Variants in NPR3 observed in about 807,000 individuals in gnomAD.
The protein encoded by NPR3 is atrial natriuretic peptide receptor 3.
Under a neutral mutation model 54.5 loss-of-function variants are expected in NPR3, and 34 were observed. The ratio of observed to expected loss-of-function variants is 0.62; its 90% CI spans 0.47 to 0.83. The LOEUF (loss-of-function observed/expected upper bound fraction) is 0.83. Among genes scored for constraint, NPR3 ranks in the 40% least tolerant of loss-of-function variants. The probability of loss-of-function intolerance (pLI) is 0.00; values close to 1 mark genes in which losing one functional copy is unlikely to be tolerated. For missense variants in NPR3, 674 were observed against 720.8 expected (o/e 0.94, Z 0.74); for synonymous variants, 289 against 297.1 (o/e 0.97, Z 0.28).
At chr5:32,728,871 A>ATG (rs1302370889) in intron 2 of NPR3, among the ~76,000 whole-genome samples, 1 of 140,262 alleles carries the variant, frequency 7.1e-6, no homozygotes, top group Non-Finnish European at 1.6e-5. Flanking sequence ...ATATATATAT[A>ATG]TATATGTAAA....
Position 32,789,548 on chromosome 5 carries a change from G to C in NPR3, c.*3203G>C. On this transcript the variant is annotated 3_prime_UTR_variant, in exon 8 of 8. Transcript: ENST00000265074. Reference sequence around the variant, plus strand: ...ATGGAGGGAAGAGAGAAATGCATGGGAAAAGAACACCTCCTTTTCTCCTTT... The same window carrying C: ...ATGGAGGGAAGAGAGAAATGCATGGCAAAAGAACACCTCCTTTTCTCCTTT... 1.9e-6 allele frequency: 1 copy of C among 534,670 alleles called. No individual in the cohort carries two copies. 33.1% of individuals were successfully genotyped at this position (534,670 alleles called of 1,614,324 possible). A position where few individuals can be genotyped will look rare whatever the true frequency, so the allele number is the denominator to read the frequency against.
intron 3 of NPR3, among the ~76,000 whole-genome samples, chr5:32,750,884 G>A (rs1216272878): frequency 1.3e-5 from 2 of 152,146 alleles, no homozygotes; most frequent in African/African-American, 4.8e-5. Context: ...GAATAATAAT[G>A]CATACCAATT....
At chr5:32,692,357 C>T (rs910895083) in intron 1 of NPR3, among the ~76,000 whole-genome samples, 2 of 152,142 alleles carry the variant, frequency 1.3e-5, no homozygotes, top group African/African-American at 4.8e-5. Flanking sequence ...TACTATTTCT[C>T]CCAGGAAGTT....
intron 1 of NPR3, among the ~76,000 whole-genome samples, chr5:32,696,442 G>GT (rs763882946): frequency 0.013 from 1,873 of 148,686 alleles, 49 homozygotes; most frequent in African/African-American, 0.041. Flanking sequence ...GATTCTTCCA[G>GT]CTTTTTTTTT....
At chr5:32,738,294 C>T (rs955005513) in intron 2 of NPR3, among the ~76,000 whole-genome samples, 1 of 152,018 alleles carries the variant, frequency 6.6e-6, no homozygotes, top group African/African-American at 2.4e-5. Context: ...CCCTGCCCCC[C>T]ACCCCCTGAT....
At chr5:32,726,437 C>T (rs1352101622) in intron 2 of NPR3, among the ~76,000 whole-genome samples, 1 of 152,148 alleles carries the variant, frequency 6.6e-6, no homozygotes, top group East Asian at 1.9e-4. Context: ...GTCTTTTCCC[C>T]TCTGTTTTAC....
chr5:32,733,990 A>G (rs1352859984), intron 2 of NPR3, among the ~76,000 whole-genome samples: 2 of 152,198 alleles, frequency 1.3e-5, no homozygotes, highest in African/African-American at 4.8e-5. Flanking sequence ...CTTGAGCCTC[A>G]ATTTCCTCAT....
upstream of NPR3, among the ~76,000 whole-genome samples, chr5:32,710,934 G>A (rs1318440301): frequency 1.4e-5 from 2 of 147,822 alleles, no homozygotes; most frequent in African/African-American, 5.1e-5. Flanking sequence ...GCGTGCGCGC[G>A]CGCATTTCTC....
chr5:32,777,755 G>A (rs937430128), intron 4 of NPR3, among the ~76,000 whole-genome samples: 5 of 152,146 alleles, frequency 3.3e-5, no homozygotes, highest in African/African-American at 1.2e-4. Flanking sequence ...ATCTCCCTTA[G>A]CATTAGACAG....
At chr5:32,783,258 C>T (rs1253786352) in intron 6 of NPR3, 4 of 426,700 alleles carry the variant, frequency 9.4e-6, no homozygotes, top group Non-Finnish European at 1.6e-5. Flanking sequence ...TTTTACATCT[C>T]TTACTATAAT....
Position 32,787,814 on chromosome 5 carries a change from G to A in NPR3, c.*1469G>A, listed in dbSNP as rs1273621130. The A allele has an allele frequency of 6.6e-6, 1 of 152,184 alleles. No homozygotes were observed. The highest frequency in any genetic ancestry group is 1.5e-5 in the Non-Finnish European group (1 of 68,032). The allele number at this position is 152,184 out of a possible 1,614,324, so 9.4% of individuals were successfully genotyped here. ...AGAAGATAGACAGTGAGGGAGGAAT[G>A]GGAAGCTGTCATGAGAGTGCACCGT... On this transcript the variant is annotated 3_prime_UTR_variant, in exon 8 of 8. Transcript: ENST00000265074.
intron 3 of NPR3, among the ~76,000 whole-genome samples, chr5:32,761,752 T>A (rs1353126424): frequency 1.4e-5 from 2 of 141,028 alleles, no homozygotes; most frequent in African/African-American, 2.6e-5. Flanking sequence ...ATTTTATTTT[T>A]AAATTTAGTT....
At chr5:32,741,506 TA>T (rs1040290958) in intron 3 of NPR3, among the ~76,000 whole-genome samples, 1 of 152,196 alleles carries the variant, frequency 6.6e-6, no homozygotes, top group Non-Finnish European at 1.5e-5. Context: ...ATTTTAATGG[TA>T]GTCTAAGCAA....
At chr5:32,776,867 G>A (rs1742077114) in intron 4 of NPR3, among the ~76,000 whole-genome samples, 1 of 152,138 alleles carries the variant, frequency 6.6e-6, no homozygotes, top group South Asian at 2.1e-4. Flanking sequence ...CAGGCAAGGA[G>A]GAGTAGGGCT....
chr5:32,697,520 G>A (rs1021931755), intron 1 of NPR3, among the ~76,000 whole-genome samples: 6 of 151,532 alleles, frequency 4.0e-5, no homozygotes, highest in African/African-American at 1.5e-4. Context: ...GAGTTTGGAT[G>A]TATTCTTTCC....
At chr5:32,754,303 C>T (rs1222065794) in intron 3 of NPR3, among the ~76,000 whole-genome samples, 1 of 152,020 alleles carries the variant, frequency 6.6e-6, no homozygotes, top group Admixed American at 6.6e-5. Flanking sequence ...TGAAGTAAAC[C>T]ACACTGAGTT....
At chr5:32,710,443 C>A, upstream of NPR3, 1 of 382,734 alleles carries the variant, frequency 2.6e-6, no homozygotes, top group Non-Finnish European at 4.5e-6. Context: ...CTTTGTGACA[C>A]CTCCAGAAGT....
Position 32,786,596 on chromosome 5 carries a change from C to A in NPR3, c.*251C>A. The A allele has an allele frequency of 2.3e-6, 1 of 444,030 alleles. No homozygotes were observed. The highest frequency in any genetic ancestry group is 3.9e-6 in the Non-Finnish European group (1 of 255,978). 27.5% of individuals were successfully genotyped at this position (444,030 alleles called of 1,614,324 possible). On this transcript the variant is annotated 3_prime_UTR_variant, in exon 8 of 8. Transcript: ENST00000265074. Reference sequence around the variant, plus strand: ...ACTCTGTTAAATGTTCATACTGTTTCAAGCCCATATGATTAGATTTATGTT... The same window carrying A: ...ACTCTGTTAAATGTTCATACTGTTTAAAGCCCATATGATTAGATTTATGTT...
At chr5:32,696,355 C>G (rs1306427878) in intron 1 of NPR3, among the ~76,000 whole-genome samples, 3 of 151,598 alleles carry the variant, frequency 2.0e-5, no homozygotes, top group African/African-American at 4.8e-5. Context: ...ACATTGGTCT[C>G]TGTGTCTGTT....
Sources: gnomAD v4.1 joint callset for allele counts (sites outside exome capture counted in the v4.1 genomes callset) on GRCh38, gnomAD v4.1.1 for gene constraint, MANE v1.5 for transcripts, NCBI Gene and HGNC (gene_info 2026-07-23, HGNC 2026-07-21) for gene names.